GSE1: variants seen among roughly 807,000 people sequenced by gnomAD.
GSE1 encodes genetic suppressor element 1.
Under a neutral mutation model 112.6 loss-of-function variants are expected in GSE1, and 32 were observed. That is an observed-to-expected ratio of 0.28 (90% CI 0.21 to 0.38). The LOEUF is 0.38. Ranked by LOEUF, GSE1 falls within the 10% of genes least tolerant of loss-of-function variation. The pLI is 1.00. For synonymous variants in GSE1, 1,115 were observed against 735.6 expected, an observed-to-expected ratio of 1.52 and a Z score of -8.35; for missense variants, 2,348 against 1,699.2, an observed-to-expected ratio of 1.38 and a Z score of -6.71.
intron 13 of GSE1, among the ~76,000 whole-genome samples, chr16:85,667,688 G>A (rs866402474): frequency 1.3e-5 from 2 of 152,146 alleles, no homozygotes; most frequent in African/African-American, 4.8e-5. Flanking sequence ...GCGAAACCCT[G>A]TTTCTACTAA....
At chr16:85,658,403 C>T (rs1256188026) in intron 8 of GSE1, among the ~76,000 whole-genome samples, 1 of 152,200 alleles carries the variant, frequency 6.6e-6, no homozygotes, top group Non-Finnish European at 1.5e-5. Context: ...CTCAACTGTC[C>T]ACAAAGGAGG....
upstream of GSE1, among the ~76,000 whole-genome samples, chr16:85,551,422 GA>G (rs1408143978): frequency 6.6e-6 from 1 of 152,216 alleles, no homozygotes; most frequent in Non-Finnish European, 1.5e-5. Flanking sequence ...CCCTGGGAAT[GA>G]ATGGCTGTAG....
chr16:85,223,504 C>G (rs2075429527), intron 1 of GSE1, among the ~76,000 whole-genome samples: 1 of 151,798 alleles, frequency 6.6e-6, no homozygotes, highest in South Asian at 2.1e-4. Context: ...GCCTGGGCAA[C>G]AGAGCAAGAC....
In GSE1 at chr16:85,570,622, G is replaced by A. The variant is rs570327432; in HGVS notation, c.37+14259G>A. Among the ~76,000 whole-genome samples, 30 of 152,348 alleles carry A rather than the reference G, an allele frequency of 2.0e-4. No homozygotes were observed. The South Asian group carries it at 5.8e-3, about 29-fold the overall frequency. On this transcript the variant is annotated intron_variant, in intron 1 of 2. Transcript: ENST00000635906. ...AGAGAGGTGGCCAGCGGGTCAGACC[G>A]GTGGGGTGAGCCGCGTGGGAGGAAT...
At chr16:85,429,641 C>A (rs2049073244) in intron 2 of GSE1, among the ~76,000 whole-genome samples, 1 of 152,192 alleles carries the variant, frequency 6.6e-6, no homozygotes. Context: ...CCAAGATCTC[C>A]CTTGCTGGCT....
chr16:85,414,653 G>T (rs1311086883), intron 2 of GSE1, among the ~76,000 whole-genome samples: 8 of 152,150 alleles, frequency 5.3e-5, no homozygotes, highest in Admixed American at 5.2e-4. Context: ...TTTATTTCTT[G>T]AGATGGAGTC....
intron 1 of GSE1, among the ~76,000 whole-genome samples, chr16:85,249,755 A>G (rs1906257877): frequency 6.6e-6 from 1 of 152,174 alleles, no homozygotes. Context: ...CCTGGCTTGG[A>G]GTCGGGGCTG....
chr16:85,247,405 A>G (rs1905975624), intron 1 of GSE1, among the ~76,000 whole-genome samples: 1 of 152,200 alleles, frequency 6.6e-6, no homozygotes, highest in Non-Finnish European at 1.5e-5. Context: ...CCCTGAGCAG[A>G]GGAAGGTGGC....
chr16:85,480,084 ACT>A (rs2050623969), intron 2 of GSE1, among the ~76,000 whole-genome samples: 1 of 152,088 alleles, frequency 6.6e-6, no homozygotes, highest in South Asian at 2.1e-4. Flanking sequence ...GAAATCACTG[ACT>A]CTCACAACAT....
In GSE1 at chr16:85,270,431, C is replaced by T. The variant is rs78695093; in HGVS notation, c.2284-87032C>T. ...CACTCCGTCTGCTTGGGTGACTCTC[C>T]GAGGACACAGCCCCTGTAGACATTC... On this transcript the variant is annotated intron_variant, in intron 1 of 2. Transcript: ENST00000637419. Among the ~76,000 whole-genome samples the T allele has an allele frequency of 6.2e-3, 921 of 149,088 alleles. 27 individuals are homozygous for T. Among genetic ancestry groups the T allele is most frequent in the African/African-American group, 0.021 (869 of 41,336 alleles).
chr16:85,479,234 G>A (rs1168437948), intron 2 of GSE1, among the ~76,000 whole-genome samples: 4 of 117,998 alleles, frequency 3.4e-5, no homozygotes, highest in Admixed American at 1.1e-4. Flanking sequence ...GGGTTTCACC[G>A]TGTTAGCCAG....
At chr16:85,548,953 C>T (rs2044804528) in intron 2 of GSE1, among the ~76,000 whole-genome samples, 1 of 152,116 alleles carries the variant, frequency 6.6e-6, no homozygotes, top group African/African-American at 2.4e-5. Context: ...CCACGTCCAG[C>T]TAATTTTTAT....
intron 2 of GSE1, among the ~76,000 whole-genome samples, chr16:85,525,297 C>T (rs1192986044): frequency 1.3e-5 from 2 of 152,188 alleles, no homozygotes; most frequent in Admixed American, 1.3e-4. Context: ...ACAGACAGCC[C>T]GTCTCCTGGG....
intron 3 of GSE1, among the ~76,000 whole-genome samples, chr16:85,650,324 C>T (rs563459536): frequency 1.3e-5 from 2 of 152,292 alleles, no homozygotes; most frequent in South Asian, 2.1e-4. Context: ...AATCACCCGA[C>T]TCAAACAGCT....
chr16:85,476,454 C>A (rs1012432835), intron 2 of GSE1, among the ~76,000 whole-genome samples: 9 of 152,168 alleles, frequency 5.9e-5, no homozygotes, highest in African/African-American at 1.9e-4. Flanking sequence ...CTGGAACTCA[C>A]GTCTGCTTTA....
intron 2 of GSE1, among the ~76,000 whole-genome samples, chr16:85,504,441 CAG>C (rs1597985571): frequency 6.6e-6 from 1 of 152,198 alleles, no homozygotes. Context: ...AGAGCGGTGA[CAG>C]GGGCACACAC....
intron 1 of GSE1, among the ~76,000 whole-genome samples, chr16:85,597,286 T>C (rs1203099357): frequency 6.7e-6 from 1 of 149,640 alleles, no homozygotes; most frequent in Non-Finnish European, 1.5e-5. Flanking sequence ...GCCAGGAGAA[T>C]TGCTTTGAAC....
intron 2 of GSE1, among the ~76,000 whole-genome samples, chr16:85,366,094 G>T (rs1474762552): frequency 6.6e-6 from 1 of 152,258 alleles, no homozygotes; most frequent in Non-Finnish European, 1.5e-5. Context: ...TGGGCTCCCA[G>T]CCGGGCTTGG....
chr16:85,178,430 C>A (rs976258814), intron 1 of GSE1, among the ~76,000 whole-genome samples: 1 of 152,018 alleles, frequency 6.6e-6, no homozygotes, highest in Non-Finnish European at 1.5e-5. Flanking sequence ...CCTGGGTGCA[C>A]ACTCGAATCA....
Sources: gnomAD v4.1 joint callset for allele counts (sites outside exome capture counted in the v4.1 genomes callset) on GRCh38, gnomAD v4.1.1 for gene constraint, MANE v1.5 for transcripts, NCBI Gene and HGNC (gene_info 2026-07-23, HGNC 2026-07-21) for gene names.